Variants in NOL10 observed in about 807,000 individuals in gnomAD.
NOL10 encodes H_NH0074G24.1.
NOL10 carries 58 observed loss-of-function variants against 103.5 expected under a neutral mutation model. The observed-to-expected ratio is 0.56, with a 90% CI of 0.45 to 0.70. The LOEUF (loss-of-function observed/expected upper bound fraction) is 0.70, where lower values mean the gene tolerates loss of function less well. Among genes scored for constraint, NOL10 ranks in the 30% least tolerant of loss-of-function variants. The pLI, the probability that NOL10 is intolerant of heterozygous loss-of-function variation, is 0.00. For missense variants in NOL10, 763 were observed against 807.3 expected, an observed-to-expected ratio of 0.95 and a Z score of 0.67; for synonymous variants, 287 against 282.5, an observed-to-expected ratio of 1.02 and a Z score of -0.16.
chr2:10,605,333 A>G (rs1383178610), intron 14 of NOL10, among the ~76,000 whole-genome samples: 1 of 152,350 alleles, frequency 6.6e-6, no homozygotes, highest in East Asian at 1.9e-4. Context: ...CAAATCTTCA[A>G]TATACTAATG....
At chr2:10,652,445 C>T (rs756054282) in intron 12 of NOL10, among the ~76,000 whole-genome samples, 13 of 151,698 alleles carry the variant, frequency 8.6e-5, no homozygotes, top group Non-Finnish European at 1.8e-4. Flanking sequence ...ACTGACTACA[C>T]AGTTATAAAA....
Position 10,603,652 on chromosome 2 carries a change from C to T in NOL10, c.1154-495G>A, listed in dbSNP as rs1676102950. ...CTACCACCATATATAAACATACATA[C>T]ATGCATATTAATACTCATATCACAT... On this transcript the variant is annotated intron_variant, in intron 14 of 20. Transcript: ENST00000381685. 2.0e-5 allele frequency among the ~76,000 whole-genome samples: 3 copies of T among 152,192 alleles called. No homozygotes were observed. The South Asian group carries it at 6.2e-4, about 32-fold the overall frequency.
intron 13 of NOL10, among the ~76,000 whole-genome samples, chr2:10,635,322 C>T (rs374070091): frequency 3.9e-5 from 6 of 152,190 alleles, no homozygotes; most frequent in Non-Finnish European, 5.9e-5. Context: ...TCAACCTCTA[C>T]GTTCTCTATC....
At chr2:10,595,580 GTTTTTT>G (rs1252086398) in intron 17 of NOL10, among the ~76,000 whole-genome samples, 15 of 127,552 alleles carry the variant, frequency 1.2e-4, no homozygotes, top group African/African-American at 4.1e-4. Flanking sequence ...TTACAGAAAT[GTTTTTT>G]TGTTTTGTTT....
At chr2:10,611,081 C>T (rs959635322) in intron 13 of NOL10, among the ~76,000 whole-genome samples, 16 of 152,310 alleles carry the variant, frequency 1.1e-4, no homozygotes, top group African/African-American at 3.6e-4. Context: ...GGCAGTGGTA[C>T]TGCGCCCAGC....
chr2:10,576,029 G>A (rs1361179528), intron 20 of NOL10, among the ~76,000 whole-genome samples: 2 of 152,256 alleles, frequency 1.3e-5, no homozygotes, highest in Non-Finnish European at 2.9e-5. Flanking sequence ...GATGCACGTT[G>A]GGAAAATTTT....
At chr2:10,604,574 C>T (rs549567321) in intron 14 of NOL10, 12 of 152,248 alleles carry the variant, frequency 7.9e-5, no homozygotes, top group Admixed American at 5.2e-4. Flanking sequence ...TACAACTGCA[C>T]GTGTATATTC....
chr2:10,638,727 G>A (rs779419510), intron 13 of NOL10, among the ~76,000 whole-genome samples: 1 of 148,564 alleles, frequency 6.7e-6, no homozygotes, highest in Non-Finnish European at 1.5e-5. Flanking sequence ...TCCTGAACTC[G>A]TGATCCGCCC....
At chr2:10,574,876 C>T (rs940527279) in intron 20 of NOL10, among the ~76,000 whole-genome samples, 8 of 152,188 alleles carry the variant, frequency 5.3e-5, no homozygotes, top group African/African-American at 1.7e-4. Flanking sequence ...CAGACTTTCT[C>T]CACCAAGGTA....
intron 6 of NOL10, among the ~76,000 whole-genome samples, chr2:10,671,131 G>A (rs1434677751): frequency 1.3e-5 from 2 of 152,100 alleles, no homozygotes; most frequent in African/African-American, 4.8e-5. Flanking sequence ...ACTGATTACT[G>A]ACATGAAGCA....
chr2:10,622,594 A>G (rs1257894716), intron 13 of NOL10, among the ~76,000 whole-genome samples: 1 of 152,178 alleles, frequency 6.6e-6, no homozygotes, highest in Admixed American at 6.5e-5. Flanking sequence ...TGAAACCTCA[A>G]TTATTTCAAG....
chr2:10,598,297 C>T (rs142011888), intron 17 of NOL10, among the ~76,000 whole-genome samples: 8 of 152,270 alleles, frequency 5.3e-5, no homozygotes, highest in Admixed American at 2.6e-4. Flanking sequence ...AGACAGGACG[C>T]GTGTGTAACT....
intron 7 of NOL10, 35 bp from the exon 8 acceptor site, chr2:10,667,313 G>C: frequency 7.0e-7 from 1 of 1,422,712 alleles, no homozygotes; most frequent in East Asian, 2.4e-5. Context: ...GAATGAATTA[G>C]TTAGCACCTA....
chr2:10,602,806 T>A lies in NOL10; in HGVS notation c.1302A>T (p.Glu434Asp), dbSNP rs1676048310. 6.2e-7 allele frequency: 1 copy of A among 1,607,056 alleles called. No homozygotes were observed. Among genetic ancestry groups the A allele is most frequent in the African/African-American group, 1.3e-5 (1 of 74,914 alleles). The change falls in exon 16 of 21, where the codon GAA becomes GAT. Residue 434 changes from glutamate to aspartate, a missense_variant. Transcript: ENST00000381685. ...ACTGGACTCTCTGTGCACGTGTTTC[T>A]TCTATTTTCTGTCGTATTTTATCTT... is the stretch of plus-strand genomic sequence containing the variant. ...YRKDKIRQKI[E>D]ETRAQRVQLK...
intron 12 of NOL10, among the ~76,000 whole-genome samples, chr2:10,652,216 G>A (rs543213426): frequency 6.9e-4 from 104 of 151,106 alleles, no homozygotes; most frequent in Non-Finnish European, 7.5e-4. Context: ...CTCCAGCCTG[G>A]GGGACAGAGG....
chr2:10,632,765 C>T (rs879259957), intron 13 of NOL10, among the ~76,000 whole-genome samples: 3 of 151,990 alleles, frequency 2.0e-5, no homozygotes, highest in African/African-American at 4.8e-5. Flanking sequence ...TTTGATTTAA[C>T]CATGGGCCTG....
At chr2:10,629,888 T>C (rs2148241222) in intron 13 of NOL10, among the ~76,000 whole-genome samples, 1 of 152,342 alleles carries the variant, frequency 6.6e-6, no homozygotes, top group East Asian at 1.9e-4. Flanking sequence ...GCCATAATTA[T>C]TATTCTTTTT....
chr2:10,645,967 A>ACACACC (rs1443992984), intron 12 of NOL10, among the ~76,000 whole-genome samples: 28 of 150,548 alleles, frequency 1.9e-4, no homozygotes, highest in East Asian at 1.2e-3. Context: ...ACACACACAC[A>ACACACC]CCCCGTAAAA....
intron 19 of NOL10, 122 bp from the exon 20 acceptor site, chr2:10,577,860 C>T: frequency 1.5e-6 from 1 of 645,414 alleles, no homozygotes; most frequent in Non-Finnish European, 2.8e-6. Context: ...CAGAAAATAT[C>T]ATTCATTTAA....
Sources: gnomAD v4.1 joint callset for allele counts (sites outside exome capture counted in the v4.1 genomes callset) on GRCh38, gnomAD v4.1.1 for gene constraint, MANE v1.5 for transcripts, NCBI Gene and HGNC (gene_info 2026-07-23, HGNC 2026-07-21) for gene names.